KATNA1: variants seen among roughly 807,000 people sequenced by gnomAD.
KATNA1 encodes katanin p60 ATPase-containing subunit A1.
In KATNA1, 42 loss-of-function variants were observed where a neutral mutation model predicts 62.6. The ratio of observed to expected loss-of-function variants is 0.67; its 90% confidence interval spans 0.52 to 0.87. KATNA1 has a LOEUF of 0.87. Among genes scored for constraint, KATNA1 ranks in the 40% least tolerant of loss-of-function variants. KATNA1 has a pLI of 0.00. For missense variants in KATNA1, 498 were observed against 612.5 expected, an observed-to-expected ratio of 0.81 and a Z score of 1.97; for synonymous variants, 186 against 201.9, an observed-to-expected ratio of 0.92 and a Z score of 0.67.
intron 4 of KATNA1, among the ~76,000 whole-genome samples, chr6:149,606,020 A>G (rs1027621807): frequency 2.6e-5 from 4 of 152,276 alleles, no homozygotes; most frequent in African/African-American, 9.6e-5. Context: ...TCGGCCTCCC[A>G]AAGTGCTGGG....
intron 4 of KATNA1, among the ~76,000 whole-genome samples, chr6:149,617,989 A>AAT (rs1209706203): frequency 2.3e-4 from 33 of 141,680 alleles, no homozygotes; most frequent in African/African-American, 7.4e-4. Flanking sequence ...TAAATAAATA[A>AAT]ATATATATAT....
In KATNA1 at chr6:149,613,179, CAAAAAAAAAAAAAAAAAA is replaced by C. The variant is rs71270309; in HGVS notation, c.502-8415_502-8398del. ...TGGGCAACAGAGCGAGACTCTGTCTCAAAAAAAAAAAAAAAAAAAAAAAAAAAAAAAAAAAAAAGAACA... is the reference window on the plus strand; with the variant it reads ...TGGGCAACAGAGCGAGACTCTGTCTCAAAAAAAAAAAAAAAAAAAAGAACA... On this transcript the variant is annotated intron_variant, in intron 4 of 10. Transcript: ENST00000367411. 5.6e-3 allele frequency among the ~76,000 whole-genome samples: 71 copies of C among 12,574 alleles called. 1 individual carries two copies. The highest frequency in any genetic ancestry group is 0.019 in the East Asian group (10 of 516). The allele number at this position is 12,574 out of a possible 152,430, so 8.2% of individuals were successfully genotyped here.
intron 1 of KATNA1, among the ~76,000 whole-genome samples, chr6:149,646,623 C>T (rs1445639383): frequency 1.3e-5 from 2 of 152,128 alleles, no homozygotes; most frequent in East Asian, 3.8e-4. Flanking sequence ...ATGATAAATA[C>T]TTAAGCACAA....
Position 149,604,747 on chromosome 6 carries a change from T to A in KATNA1, c.537A>T (p.Thr179=), listed in dbSNP as rs1022810331. 2.5e-6 allele frequency: 4 copies of A among 1,613,450 alleles called. No homozygotes were observed. In the African/African-American group the frequency reaches 5.3e-5, roughly 22 times the overall value. ...KSPAAVTEPE[T]NKFDSTGYDK... ...CATATCCGGTACTATCAAATTTATT[T>A]GTCTCTGGTTCTGTTACTGCAGCAG... The change falls in exon 5 of 11, where the codon ACA becomes ACT. Residue 179 remains threonine (T), a synonymous_variant. Coordinates refer to ENST00000367411, the MANE Select transcript of KATNA1 (RefSeq NM_007044.4).
intron 4 of KATNA1, among the ~76,000 whole-genome samples, chr6:149,611,276 C>A (rs1175603375): frequency 6.6e-6 from 1 of 151,656 alleles, no homozygotes; most frequent in Non-Finnish European, 1.5e-5. Context: ...AGCCTACCCA[C>A]CACAGCGAAA....
intron 4 of KATNA1, among the ~76,000 whole-genome samples, chr6:149,610,883 G>A (rs1376902937): frequency 6.6e-6 from 1 of 152,126 alleles, no homozygotes; most frequent in African/African-American, 2.4e-5. Context: ...TCAGGAATTT[G>A]AGACCAGCTT....
intron 1 of KATNA1, among the ~76,000 whole-genome samples, chr6:149,641,715 T>C (rs748671972): frequency 2.7e-4 from 41 of 152,186 alleles, no homozygotes; most frequent in Middle Eastern, 3.2e-3. Flanking sequence ...CAGAAATGCA[T>C]GGATGACTTA....
At chr6:149,622,226 G>C (rs12183882) in intron 4 of KATNA1, among the ~76,000 whole-genome samples, 15,668 of 151,602 alleles carry the variant, frequency 0.1, 1,084 homozygotes, top group South Asian at 0.17. Context: ...TCCGCCTCTC[G>C]GGTTCACGCC....
At chr6:149,642,200 C>G (rs759128151) in intron 1 of KATNA1, among the ~76,000 whole-genome samples, 8 of 152,180 alleles carry the variant, frequency 5.3e-5, no homozygotes, top group Non-Finnish European at 1.2e-4. Context: ...TGCGCCTGGC[C>G]GAGAGACCTC....
At chr6:149,624,699 A>G (rs1162258637) in intron 3 of KATNA1, among the ~76,000 whole-genome samples, 3 of 151,978 alleles carry the variant, frequency 2.0e-5, no homozygotes, top group Non-Finnish European at 4.4e-5. Context: ...CCTTATTTCT[A>G]TAACAGAATT....
At chr6:149,611,220 G>C (rs1338238629) in intron 4 of KATNA1, among the ~76,000 whole-genome samples, 1 of 152,116 alleles carries the variant, frequency 6.6e-6, no homozygotes, top group Admixed American at 6.6e-5. Flanking sequence ...CAGCACTTTG[G>C]GAGGCCAAGG....
At chr6:149,636,500 T>C (rs969752018) in intron 2 of KATNA1, among the ~76,000 whole-genome samples, 14 of 152,222 alleles carry the variant, frequency 9.2e-5, no homozygotes, top group Admixed American at 2.0e-4. Flanking sequence ...GGGACAGATA[T>C]AGGAAAATAG....
At chr6:149,633,317 C>T (rs1779926424) in intron 2 of KATNA1, among the ~76,000 whole-genome samples, 1 of 152,132 alleles carries the variant, frequency 6.6e-6, no homozygotes, top group Admixed American at 6.6e-5. Flanking sequence ...CCATGTTAGC[C>T]AGGATGGTCT....
At chr6:149,631,575 C>A (rs199636164) in intron 3 of KATNA1, 223 of 117,084 alleles carry the variant, frequency 1.9e-3, no homozygotes, top group African/African-American at 5.7e-3. Flanking sequence ...AAAAAAAAAA[C>A]AAAAAAAAAC....
chr6:149,597,219 A>G (rs763288369), intron 9 of KATNA1, 30 bp from the exon 10 acceptor site: 3 of 1,608,040 alleles, frequency 1.9e-6, no homozygotes, highest in Non-Finnish European at 2.5e-6. Flanking sequence ...TTAAAATGTA[A>G]GCCTGCAGCA....
chr6:149,595,846 A>G (rs1778286255), intron 10 of KATNA1, among the ~76,000 whole-genome samples: 1 of 152,246 alleles, frequency 6.6e-6, no homozygotes, highest in African/African-American at 2.4e-5. Flanking sequence ...AGCGCAGTCA[A>G]GCCCCTGGTT....
chr6:149,610,485 A>T (rs114654055), intron 4 of KATNA1, among the ~76,000 whole-genome samples: 227 of 152,276 alleles, frequency 1.5e-3, no homozygotes, highest in African/African-American at 5.2e-3. Flanking sequence ...GTTTAAAAAA[A>T]TTGAAATTAT....
intron 6 of KATNA1, among the ~76,000 whole-genome samples, chr6:149,602,663 A>G (rs1778591773): frequency 1.3e-5 from 2 of 152,204 alleles, no homozygotes; most frequent in Non-Finnish European, 2.9e-5. Context: ...GTGTTTTTGC[A>G]TTAGCTGACT....
chr6:149,618,552 A>G (rs948607104), intron 4 of KATNA1, among the ~76,000 whole-genome samples: 2 of 152,224 alleles, frequency 1.3e-5, no homozygotes, highest in African/African-American at 4.8e-5. Context: ...CAAAAGGAAC[A>G]AAGTTGGAGA....
Sources: gnomAD v4.1 joint callset for allele counts (sites outside exome capture counted in the v4.1 genomes callset) on GRCh38, gnomAD v4.1.1 for gene constraint, MANE v1.5 for transcripts, NCBI Gene and HGNC (gene_info 2026-07-23, HGNC 2026-07-21) for gene names.